Variants in CRTAM observed in about 807,000 individuals in gnomAD.
CRTAM encodes the protein cytotoxic and regulatory T cell molecule.
Under a neutral mutation model 50.0 loss-of-function variants are expected in CRTAM, and 44 were observed. That is an observed-to-expected ratio of 0.88 (90% CI 0.69 to 1.13). CRTAM has a LOEUF of 1.13. CRTAM is among the 50% of genes most tolerant of loss of function. The pLI is 0.00. For missense variants in CRTAM, 448 were observed against 457.5 expected (o/e 0.98, Z 0.19); for synonymous variants, 159 against 169.3 (o/e 0.94, Z 0.47).
At chr11:122,860,193 G>A (rs1862053765) in intron 5 of CRTAM, among the ~76,000 whole-genome samples, 1 of 152,032 alleles carries the variant, frequency 6.6e-6, no homozygotes, top group Non-Finnish European at 1.5e-5. Context: ...GATTATAGGT[G>A]CCCACCACCA....
intron 1 of CRTAM, among the ~76,000 whole-genome samples, chr11:122,842,973 T>C (rs1287587861): frequency 6.6e-6 from 1 of 152,196 alleles, no homozygotes; most frequent in Admixed American, 6.5e-5. Context: ...ATTTATTGCA[T>C]GTAAAAACTA....
intron 7 of CRTAM, among the ~76,000 whole-genome samples, chr11:122,865,084 T>C (rs1862151985): frequency 6.6e-6 from 1 of 152,148 alleles, no homozygotes; most frequent in African/African-American, 2.4e-5. Context: ...TTGCCCAGGC[T>C]GGAGTGCAGT....
intron 9 of CRTAM, 133 bp downstream of exon 9, chr11:122,868,232 G>A (rs1591358451): frequency 3.5e-6 from 2 of 566,536 alleles, no homozygotes; most frequent in South Asian, 2.4e-5. Context: ...GTGTGTGTGT[G>A]TGTGTATGAG....
intron 7 of CRTAM, among the ~76,000 whole-genome samples, chr11:122,865,750 A>G (rs1862163734): frequency 1.3e-5 from 2 of 152,212 alleles, no homozygotes; most frequent in Admixed American, 1.3e-4. Flanking sequence ...GCTTGTCCAA[A>G]GCATCACACA....
Position 122,853,946 on chromosome 11 carries a change from C to G in CRTAM, c.350C>G (p.Thr117Ser). 1 of 1,613,646 alleles carries G rather than the reference C, an allele frequency of 6.2e-7. No individual in the cohort carries two copies. The highest frequency in any genetic ancestry group is 8.5e-7 in the Non-Finnish European group (1 of 1,179,856). ...AGAAAAATCCATTTTGTTCTAGCAA[C>G]TCCTTTCAAGCCAATCCTGGAAGCT... ...TKEVKVIVLATPFKPILEASV... is the reference protein window; with the variant it reads ...TKEVKVIVLASPFKPILEASV... Residue 117 changes from threonine (T) to serine (S), a missense_variant, in exon 4 of 10, where the codon ACT becomes AGT. By Grantham distance (58) the Thr-to-Ser change is moderately conservative. Transcript: ENST00000227348.
rs1244147699 is a variant in CRTAM, at chr11:122,863,351, A to AAGAAAG, written c.733+808_733+809insGAAAGA. ...AAAGAAAGAAAGAAAGAAAGAAAGA[A>AAGAAAG]AAAGAAAGAAAGAAAGAAAAAGAAA... On this transcript the variant is annotated intron_variant, in intron 6 of 9. Transcript: ENST00000227348. Among the ~76,000 whole-genome samples the AAGAAAG allele has an allele frequency of 6.5e-3, 394 of 60,712 alleles. 5 individuals carry two copies. Among genetic ancestry groups the AAGAAAG allele is most frequent in the Middle Eastern group, 0.013 (1 of 78 alleles). The allele number at this position is 60,712 out of a possible 152,430, so 39.8% of individuals were successfully genotyped here.
At chr11:122,858,587 T>G (rs1464262026) in intron 5 of CRTAM, among the ~76,000 whole-genome samples, 1 of 152,122 alleles carries the variant, frequency 6.6e-6, no homozygotes, top group East Asian at 1.9e-4. Flanking sequence ...TGGAGTGCTG[T>G]AGTGCAATCA....
At chr11:122,848,966 G>A (rs1591349631) in intron 1 of CRTAM, among the ~76,000 whole-genome samples, 1 of 152,172 alleles carries the variant, frequency 6.6e-6, no homozygotes, top group Admixed American at 6.5e-5. Context: ...GGAGATAAAT[G>A]TGCAGCTACT....
At chr11:122,865,040 T>C (rs1418219485) in intron 7 of CRTAM, among the ~76,000 whole-genome samples, 1 of 151,984 alleles carries the variant, frequency 6.6e-6, no homozygotes, top group East Asian at 1.9e-4. Flanking sequence ...TTTATATATA[T>C]ATATTTTTTT....
chr11:122,844,370 T>C (rs1861836340), intron 1 of CRTAM, among the ~76,000 whole-genome samples: 1 of 152,232 alleles, frequency 6.6e-6, no homozygotes, highest in Non-Finnish European at 1.5e-5. Context: ...ATGCAGGCTT[T>C]CTGTTTAGAC....
intron 1 of CRTAM, among the ~76,000 whole-genome samples, chr11:122,849,828 G>A (rs1031949588): frequency 6.6e-6 from 1 of 152,124 alleles, no homozygotes; most frequent in South Asian, 2.1e-4. Flanking sequence ...GACCTTCCCT[G>A]TCTTCTGTCA....
At chr11:122,855,903 A>G in intron 5 of CRTAM, 47 bp downstream of exon 5, 3 of 1,488,572 alleles carry the variant, frequency 2.0e-6, no homozygotes, top group Non-Finnish European at 2.8e-6. Context: ...ATTTACTTTA[A>G]TATTACACTA....
At position 122,868,099 on chromosome 11, in the gene CRTAM, T is replaced by G; in HGVS notation, c.1051T>G (p.Ser351Ala). ...ATCATCTGAAGAGAAAAATGGCCAA[T>G]GTAAGTCAACTGTATGACCTGAGAT... Reference protein sequence around the residue: ...ETSSEEKNGQSSHPMRCMNYI... With the variant: ...ETSSEEKNGQASHPMRCMNYI... The change falls in exon 9 of 10, where the codon TCT becomes GCT. Residue 351 changes from serine (S) to alanine (A), a missense_variant and splice_region_variant. Ser to Ala is a moderately conservative substitution (Grantham distance 99). Transcript: ENST00000227348. The G allele has an allele frequency of 1.3e-6, 2 of 1,585,726 alleles. No homozygotes were observed. Among genetic ancestry groups the G allele is most frequent in the Non-Finnish European group, 1.7e-6 (2 of 1,154,474 alleles).
At chr11:122,857,848 A>G (rs1862025339) in intron 5 of CRTAM, among the ~76,000 whole-genome samples, 1 of 152,200 alleles carries the variant, frequency 6.6e-6, no homozygotes, top group African/African-American at 2.4e-5. Context: ...CCACAGTGTG[A>G]TGCTTCGAGA....
At chr11:122,851,597 T>C (rs1049464438) in intron 2 of CRTAM, 96 bp from the exon 3 acceptor site, 2 of 1,077,438 alleles carry the variant, frequency 1.9e-6, no homozygotes, top group African/African-American at 3.1e-5. Context: ...GTGCCAAATG[T>C]AGAAAGCGGG....
chr11:122,870,345 T>G (rs1862237932), intron 9 of CRTAM, among the ~76,000 whole-genome samples: 1 of 152,028 alleles, frequency 6.6e-6, no homozygotes, highest in Non-Finnish European at 1.5e-5. Context: ...CCTCCCAAAG[T>G]GCTGGGATTA....
intron 1 of CRTAM, among the ~76,000 whole-genome samples, chr11:122,847,719 C>T (rs1861882238): frequency 6.6e-6 from 1 of 152,184 alleles, no homozygotes; most frequent in African/African-American, 2.4e-5. Flanking sequence ...TGCAAAGGGG[C>T]ATATTTTTGG....
chr11:122,852,820 C>T (rs562308198), intron 3 of CRTAM, among the ~76,000 whole-genome samples: 1 of 152,220 alleles, frequency 6.6e-6, no homozygotes, highest in East Asian at 1.9e-4. Flanking sequence ...ACTATTAGCT[C>T]CTTGAATCAT....
In CRTAM at chr11:122,871,306, G is replaced by A. The variant is rs374457179; in HGVS notation, c.1089G>A (p.Lys363=). ...TGCGTTGCATGAACTACATCACAAA[G>A]TTGTACTCAGAAGCAAAAACAAAGA... The part of the protein sequence containing the change: ...HPMRCMNYIT[K]LYSEAKTKRK... Residue 363 remains lysine (K), a synonymous_variant, in exon 10 of 10, where the codon AAG becomes AAA. Coordinates refer to ENST00000227348, the MANE Select transcript of CRTAM (RefSeq NM_019604.4). The A allele has an allele frequency of 1.0e-4, 167 of 1,613,648 alleles. No individual in the cohort carries two copies. Among genetic ancestry groups the A allele is most frequent in the Non-Finnish European group, 1.4e-4 (162 of 1,179,804 alleles).
Sources: allele counts gnomAD v4.1 joint callset (sites outside exome capture counted in the v4.1 genomes callset), GRCh38; gene constraint gnomAD v4.1.1; transcripts MANE v1.5; gene names NCBI Gene and HGNC (gene_info 2026-07-23, HGNC 2026-07-21).